RAB8B: variants seen among roughly 807,000 people sequenced by gnomAD.
The protein encoded by RAB8B is RAB8B, member RAS oncogene family, also known as ras-related protein Rab-8B.
Under a neutral mutation model 32.0 loss-of-function variants are expected in RAB8B, and 11 were observed. That is an observed-to-expected ratio of 0.34 (90% CI 0.22 to 0.57). The LOEUF is 0.57. Among genes scored for constraint, RAB8B ranks in the 20% least tolerant of loss-of-function variants. RAB8B has a pLI of 0.86. For synonymous variants in RAB8B, 103 were observed against 89.6 expected, an observed-to-expected ratio of 1.15 and a Z score of -0.85; for missense variants, 190 against 258.5, an observed-to-expected ratio of 0.73 and a Z score of 1.82.
At chr15:63,214,619 G>A (rs899224182) in intron 1 of RAB8B, among the ~76,000 whole-genome samples, 4 of 152,116 alleles carry the variant, frequency 2.6e-5, no homozygotes, top group Non-Finnish European at 4.4e-5. Flanking sequence ...GATTACAGGC[G>A]TGAGCCACCA....
chr15:63,225,916 C>T (rs1418377418), intron 1 of RAB8B, among the ~76,000 whole-genome samples: 3 of 152,196 alleles, frequency 2.0e-5, no homozygotes, highest in Admixed American at 2.0e-4. Flanking sequence ...TCATAGCTCA[C>T]TGTAGCCTCG....
intron 7 of RAB8B, 88 bp downstream of exon 7, chr15:63,262,830 T>G: frequency 2.0e-6 from 1 of 492,526 alleles, no homozygotes; most frequent in Non-Finnish European, 3.2e-6. Flanking sequence ...GATACTCAAA[T>G]TAAACTCATT....
intron 1 of RAB8B, among the ~76,000 whole-genome samples, chr15:63,221,958 G>A (rs1001173193): frequency 6.6e-6 from 1 of 152,068 alleles, no homozygotes; most frequent in African/African-American, 2.4e-5. Context: ...TTTGATTATT[G>A]CAGCTGAGGA....
At chr15:63,209,702 A>G (rs946843556) in intron 1 of RAB8B, among the ~76,000 whole-genome samples, 2 of 152,180 alleles carry the variant, frequency 1.3e-5, no homozygotes, top group Admixed American at 1.3e-4. Context: ...TTCTGAAATT[A>G]GAATTATAGT....
intron 1 of RAB8B, among the ~76,000 whole-genome samples, chr15:63,220,216 A>G (rs2037832649): frequency 6.6e-6 from 1 of 152,218 alleles, no homozygotes; most frequent in Non-Finnish European, 1.5e-5. Context: ...GTTAGAATTG[A>G]GACAATGGTA....
intron 1 of RAB8B, among the ~76,000 whole-genome samples, chr15:63,236,860 A>G (rs1359824018): frequency 1.3e-5 from 2 of 152,112 alleles, no homozygotes; most frequent in Non-Finnish European, 2.9e-5. Flanking sequence ...TATTCTAACT[A>G]TTTTTTGTAC....
intron 1 of RAB8B, among the ~76,000 whole-genome samples, chr15:63,196,565 C>A (rs192079786): frequency 6.6e-6 from 1 of 152,140 alleles, no homozygotes; most frequent in Non-Finnish European, 1.5e-5. Flanking sequence ...AAGTCATATT[C>A]GCCTTTTAAA....
intron 1 of RAB8B, among the ~76,000 whole-genome samples, chr15:63,199,737 C>T (rs913381351): frequency 6.6e-6 from 1 of 151,758 alleles, no homozygotes; most frequent in Non-Finnish European, 1.5e-5. Flanking sequence ...TGTGCACTAC[C>T]ACGCCCAGCC....
In RAB8B at chr15:63,244,773, A is replaced by C. The variant is rs1405652396; in HGVS notation, c.142A>C (p.Arg48=). The C allele has an allele frequency of 3.0e-5, 47 of 1,578,902 alleles. No homozygotes were observed. Among genetic ancestry groups the C allele is most frequent in the Non-Finnish European group, 4.0e-5 (46 of 1,150,508 alleles). The change falls in exon 2 of 8, where the codon AGA becomes CGA. Residue 48 remains arginine, a synonymous_variant. Coordinates refer to ENST00000321437, the MANE Select transcript of RAB8B (RefSeq NM_016530.3). ...ISTIGIDFKI[R]TIELDGKKIK... ...TCTGGCAGGAATTGATTTTAAAATT[A>C]GAACGATAGAACTAGATGGAAAGAA...
chr15:63,192,167 G>A (rs1255661673), intron 1 of RAB8B, among the ~76,000 whole-genome samples: 1 of 152,216 alleles, frequency 6.6e-6, no homozygotes, highest in Non-Finnish European at 1.5e-5. Context: ...AGCTCCAACA[G>A]GAAGTGGTAG....
chr15:63,200,130 G>C (rs972134605), intron 1 of RAB8B, among the ~76,000 whole-genome samples: 2 of 152,176 alleles, frequency 1.3e-5, no homozygotes, highest in Non-Finnish European at 2.9e-5. Context: ...TCTGGCTGCA[G>C]CATTCTGTGA....
intron 1 of RAB8B, among the ~76,000 whole-genome samples, chr15:63,216,101 A>G (rs1372301721): frequency 1.3e-5 from 2 of 151,772 alleles, no homozygotes; most frequent in African/African-American, 4.8e-5. Context: ...TTAGCACCAT[A>G]TGATGTGTTT....
intron 1 of RAB8B, among the ~76,000 whole-genome samples, chr15:63,207,283 A>G (rs1277527124): frequency 1.3e-5 from 2 of 152,180 alleles, no homozygotes; most frequent in African/African-American, 2.4e-5. Context: ...CTCCTAGCGC[A>G]GTGCGGGGCA....
rs984862098 is a variant in RAB8B at position 63,259,266 on chromosome 15, G to A, written c.415-361G>A. Reference sequence around the variant, plus strand: ...TCCCGGGTAGCTGGGACTACAGGCGGGTGCCACCACGCCCGGCTAATTTTT... The same window carrying A: ...TCCCGGGTAGCTGGGACTACAGGCGAGTGCCACCACGCCCGGCTAATTTTT... On this transcript the variant is annotated intron_variant, in intron 5 of 7. Coordinates refer to ENST00000321437, the MANE Select transcript of RAB8B (RefSeq NM_016530.3). This position sits in a 1 kb window ranked among gnomAD's most constrained non-coding sequence, Gnocchi z 4.4. Among the ~76,000 whole-genome samples, 44 of 151,788 alleles carry A rather than the reference G, an allele frequency of 2.9e-4. No homozygotes were observed. The highest frequency in any genetic ancestry group is 7.2e-4 in the Admixed American group (11 of 15,258).
chr15:63,252,164 T>C (rs1595749366), intron 3 of RAB8B, among the ~76,000 whole-genome samples: 1 of 152,000 alleles, frequency 6.6e-6, no homozygotes, highest in Admixed American at 6.6e-5. Flanking sequence ...TGAATTTGTA[T>C]TTCTAACTGA....
At chr15:63,251,483 A>G (rs1216041358) in intron 3 of RAB8B, 2 of 335,988 alleles carry the variant, frequency 6.0e-6, no homozygotes, top group Admixed American at 4.1e-5. Flanking sequence ...ATAAGAGTAA[A>G]TGTTTCACTT....
At chr15:63,227,242 G>A (rs985288705) in intron 1 of RAB8B, among the ~76,000 whole-genome samples, 1 of 152,052 alleles carries the variant, frequency 6.6e-6, no homozygotes, top group Non-Finnish European at 1.5e-5. Flanking sequence ...TGGTTCACAC[G>A]CCTCTGACAT....
rs1046245932 is a variant in RAB8B at position 63,259,370 on chromosome 15, C to T, written c.415-257C>T. On this transcript the variant is annotated intron_variant, in intron 5 of 7. Transcript: ENST00000321437. The surrounding 1 kb of genome is among the most constrained non-coding windows in gnomAD (Gnocchi z 4.4). ...TCCTGACCTCGTGATCCGTCTGCCT[C>T]GGCCTCCCAAAGTGCGTGAGCCACC... Among the ~76,000 whole-genome samples the T allele has an allele frequency of 3.3e-5, 5 of 152,040 alleles. No individual in the cohort carries two copies. The highest frequency in any genetic ancestry group is 2.6e-4 in the Admixed American group (4 of 15,258).
intron 1 of RAB8B, among the ~76,000 whole-genome samples, chr15:63,227,319 CTG>C (rs1359804352): frequency 2.0e-5 from 3 of 152,190 alleles, no homozygotes; most frequent in Admixed American, 6.5e-5. Flanking sequence ...AACACCAAAA[CTG>C]TGACCACTAG....
Sources: allele counts gnomAD v4.1 joint callset (sites outside exome capture counted in the v4.1 genomes callset), GRCh38; gene constraint gnomAD v4.1.1; non-coding constraint Gnocchi (gnomAD v3.1); transcripts MANE v1.5; gene names NCBI Gene and HGNC (gene_info 2026-07-23, HGNC 2026-07-21).